Variants in PCDHGA5 observed in about 807,000 individuals in gnomAD.
PCDHGA5 encodes the protein protocadherin gamma subfamily A, 5, also known as protocadherin gamma-A5.
PCDHGA5 carries 36 observed loss-of-function variants against 56.7 expected under a neutral mutation model. The observed-to-expected ratio is 0.64, with a 90% CI of 0.49 to 0.84. PCDHGA5 has a LOEUF of 0.84. Ranked by LOEUF, PCDHGA5 falls within the 40% of genes least tolerant of loss-of-function variation. The pLI is 0.00. For synonymous variants in PCDHGA5, 563 were observed against 520.2 expected (o/e 1.08, Z -1.12); for missense variants, 1,305 against 1,201.5 (o/e 1.09, Z -1.27).
chr5:141,419,375 T>G (rs755252910), intron 1 of PCDHGA5: 1 of 1,613,728 alleles, frequency 6.2e-7, no homozygotes, highest in Admixed American at 1.7e-5. Context: ...GTCCTACGTG[T>G]CCGTGAGCGC....
rs368153419 is a variant in PCDHGA5 at position 141,476,458 on chromosome 5, C to T, written c.2422-18349C>T. 1 of 1,614,044 alleles carries T rather than the reference C, an allele frequency of 6.2e-7. No homozygotes were observed. Among genetic ancestry groups the T allele is most frequent in the Non-Finnish European group, 8.5e-7 (1 of 1,180,014 alleles). On this transcript the variant is annotated intron_variant, in intron 1 of 3. Coordinates refer to ENST00000518069, the MANE Select transcript of PCDHGA5 (RefSeq NM_018918.3). The surrounding 1 kb of genome is among the most constrained non-coding windows in gnomAD (Gnocchi z 7.6). ...TAACTCTGGAGTTGGTAGTGGAGAA[C>T]CCGCTGGAGCTGTTCAGCGTGGAAG...
rs757503771 is a variant in PCDHGA5 at position 141,433,052 on chromosome 5, A to C, written c.2422-61755A>C. 31 of 1,614,060 alleles carry C rather than the reference A, an allele frequency of 1.9e-5. No homozygotes were observed. Among genetic ancestry groups the C allele is most frequent in the Non-Finnish European group, 1.8e-5 (21 of 1,180,044 alleles). On this transcript the variant is annotated intron_variant, in intron 1 of 3. Coordinates refer to ENST00000518069, the MANE Select transcript of PCDHGA5 (RefSeq NM_018918.3). ...GGTTTCCCTCACCACGGACTCGCGG[A>C]AGAGTCACCTGATCTTCCCCCAGCC...
At chr5:141,439,506 C>G (rs2098117403) in intron 1 of PCDHGA5, among the ~76,000 whole-genome samples, 1 of 152,234 alleles carries the variant, frequency 6.6e-6, no homozygotes, top group Non-Finnish European at 1.5e-5. Flanking sequence ...GTCTTTCTCT[C>G]TGCTCTCAAC....
intron 2 of PCDHGA5, among the ~76,000 whole-genome samples, chr5:141,495,968 CTGTTACTCTTTCTT>C (rs1033811907): frequency 6.6e-6 from 1 of 152,126 alleles, no homozygotes; most frequent in African/African-American, 2.4e-5. Context: ...GCCTCTTTCT[CTGTTACTCTTTCTT>C]TATCTCTCTT....
intron 1 of PCDHGA5, chr5:141,484,980 A>C (rs1387732109): frequency 1.7e-6 from 1 of 593,836 alleles, no homozygotes; most frequent in Admixed American, 3.1e-5. Flanking sequence ...CTGTCTGCCA[A>C]TCGGGTGGTG....
chr5:141,364,592 G>A lies in PCDHGA5; in HGVS notation c.262G>A (p.Gly88Ser). 6.2e-7 allele frequency: 1 copy of A among 1,614,210 alleles called. No homozygotes were observed. Among genetic ancestry groups the A allele is most frequent in the East Asian group, 2.2e-5 (1 of 44,886 alleles). ...NPRSGSLVTA[G>S]RIDREELCAQ... ...GCGAAGCGGCAGCTTGGTCACCGCG[G>A]GCAGGATAGACCGGGAGGAGCTCTG... Residue 88 changes from glycine to serine, a missense_variant, in exon 1 of 4, where the codon GGC becomes AGC. Physicochemically the swap from Gly to Ser is moderately conservative, Grantham distance 56. Transcript: ENST00000518069.
intron 1 of PCDHGA5, among the ~76,000 whole-genome samples, chr5:141,472,310 G>A (rs2099276586): frequency 6.6e-6 from 1 of 152,040 alleles, no homozygotes; most frequent in Non-Finnish European, 1.5e-5. Flanking sequence ...GGGAAGCCGA[G>A]GCAGGCAGAT....
chr5:141,423,756 GGGGGTGGGGC>G, intron 1 of PCDHGA5: 1 of 448,620 alleles, frequency 2.2e-6, no homozygotes, highest in Non-Finnish European at 3.0e-6. Context: ...TGTTTGGGGG[GGGGGTGGGGC>G]GGCATATATT....
intron 1 of PCDHGA5, chr5:141,393,562 A>C: frequency 6.2e-7 from 1 of 1,613,964 alleles, no homozygotes; most frequent in Non-Finnish European, 8.5e-7. Context: ...TACCGAGTGA[A>C]AGTCCTTGAG....
chr5:141,390,749 ACT>A (rs2092225079), intron 1 of PCDHGA5: 1 of 170,960 alleles, frequency 5.8e-6, no homozygotes, highest in Admixed American at 5.7e-5. Flanking sequence ...ATAGTAGTCC[ACT>A]GTTTTGTTTC....
chr5:141,503,598 CAAA>C (rs765754054), intron 2 of PCDHGA5, among the ~76,000 whole-genome samples: 9 of 65,742 alleles, frequency 1.4e-4, no homozygotes, highest in Admixed American at 3.4e-4. Context: ...GACTCCAGCT[CAAA>C]AAAAAAAAAA....
intron 1 of PCDHGA5, chr5:141,415,230 A>G (rs1222982593): frequency 6.2e-7 from 1 of 1,614,050 alleles, no homozygotes; most frequent in Non-Finnish European, 8.5e-7. Context: ...TCGAGTCTCC[A>G]GCTAACTCTG....
In PCDHGA5 at chr5:141,441,656, CT is replaced by C. The variant is rs200391207; in HGVS notation, c.2422-53149del. 8.0e-3 allele frequency: 1,976 copies of C among 247,682 alleles called. 54 individuals carry two copies. The highest frequency in any genetic ancestry group is 0.043 in the African/African-American group (1,846 of 42,486). The allele number at this position is 247,682 out of a possible 1,614,324, so 15.3% of individuals were successfully genotyped here. A position where few individuals can be genotyped will look rare whatever the true frequency, so the allele number is the denominator to read the frequency against. On this transcript the variant is annotated intron_variant, in intron 1 of 3. Coordinates refer to ENST00000518069, the MANE Select transcript of PCDHGA5 (RefSeq NM_018918.3). ...CACAGGCGCTGTGATTCTAGGTGTC[CT>C]TGAGCGCACAGTGCGCCTTCGACCA...
chr5:141,478,671 A>G (rs996413401), intron 1 of PCDHGA5: 19 of 1,551,538 alleles, frequency 1.2e-5, no homozygotes, highest in Non-Finnish European at 1.7e-5. Context: ...TCACACTTTC[A>G]ACTGGCCCTT....
At chr5:141,460,483 C>G (rs2098990314) in intron 1 of PCDHGA5, among the ~76,000 whole-genome samples, 1 of 152,046 alleles carries the variant, frequency 6.6e-6, no homozygotes, top group African/African-American at 2.4e-5. Flanking sequence ...ATCCAATTGT[C>G]TCTTTGGAAA....
intron 1 of PCDHGA5, chr5:141,371,392 T>A (rs1767716213): frequency 6.2e-7 from 1 of 1,613,846 alleles, no homozygotes; most frequent in African/African-American, 1.3e-5. Flanking sequence ...TATTGTAAAG[T>A]ACAGATAGAT....
intron 1 of PCDHGA5, chr5:141,419,557 G>T: frequency 2.5e-6 from 4 of 1,611,872 alleles, no homozygotes; most frequent in Middle Eastern, 1.7e-4. Context: ...TGTACCCTGC[G>T]CTGGGTCCCG....
intron 1 of PCDHGA5, among the ~76,000 whole-genome samples, chr5:141,438,623 T>C (rs1485045684): frequency 2.3e-4 from 10 of 42,840 alleles, no homozygotes; most frequent in Non-Finnish European, 3.8e-4. Flanking sequence ...TATATATATA[T>C]ATATATATAT....
chr5:141,452,494 T>C (rs1186924396), intron 1 of PCDHGA5, among the ~76,000 whole-genome samples: 2 of 152,192 alleles, frequency 1.3e-5, no homozygotes, highest in African/African-American at 4.8e-5. Flanking sequence ...CACACCCATA[T>C]TTATATTTGT....
Sources: allele counts gnomAD v4.1 joint callset (sites outside exome capture counted in the v4.1 genomes callset), GRCh38; gene constraint gnomAD v4.1.1; non-coding constraint Gnocchi (gnomAD v3.1); transcripts MANE v1.5; gene names NCBI Gene and HGNC (gene_info 2026-07-23, HGNC 2026-07-21).